Variants in HERC1 observed in about 807,000 individuals in gnomAD.
HERC1 encodes the protein probable E3 ubiquitin-protein ligase HERC1.
In HERC1, 160 loss-of-function variants were observed where a neutral mutation model predicts 554.3. That is an observed-to-expected ratio of 0.29 (90% CI 0.25 to 0.33). The LOEUF is 0.33. Among genes scored for constraint, HERC1 ranks in the 10% least tolerant of loss-of-function variants. HERC1 has a pLI of 1.00. For missense variants in HERC1, 4,919 were observed against 5,918.5 expected, an observed-to-expected ratio of 0.83 and a Z score of 5.54; for synonymous variants, 2,175 against 2,131.7, an observed-to-expected ratio of 1.02 and a Z score of -0.56.
rs764466651 is a variant in HERC1, at chr15:63,749,585, A to T, written c.2048-47T>A. ...TTATATAAAAGAAAAGCCAAATTCA[A>T]ATGTAATATATTTACACAAGACAAC... On this transcript the variant is annotated intron_variant, in intron 9 of 77. Coordinates refer to ENST00000443617, the MANE Select transcript of HERC1 (RefSeq NM_003922.4). This position sits in a 1 kb window ranked among gnomAD's most constrained non-coding sequence, Gnocchi z 4.1. 6.4e-7 allele frequency: 1 copy of T among 1,572,828 alleles called. No homozygotes were observed. The highest frequency in any genetic ancestry group is 8.6e-7 in the Non-Finnish European group (1 of 1,160,872).
chr15:63,678,885 T>C (rs1440637282), intron 36 of HERC1, among the ~76,000 whole-genome samples: 1 of 152,248 alleles, frequency 6.6e-6, no homozygotes, highest in Non-Finnish European at 1.5e-5. Flanking sequence ...TTAATCATTC[T>C]AAGTCTTAGC....
intron 12 of HERC1, among the ~76,000 whole-genome samples, chr15:63,740,234 C>T (rs1030512455): frequency 1.3e-5 from 2 of 152,084 alleles, no homozygotes; most frequent in African/African-American, 4.8e-5. Flanking sequence ...TTAGAAGGTT[C>T]GGTTAGGTTG....
intron 1 of HERC1, among the ~76,000 whole-genome samples, chr15:63,829,499 T>TATATATATATACACAC (rs1336272062): frequency 5.6e-5 from 3 of 53,368 alleles, no homozygotes; most frequent in African/African-American, 1.8e-4. Context: ...TATATATATA[T>TATATATATATACACAC]ACACACACAC....
Position 63,775,691 on chromosome 15 carries a change from A to T in HERC1, c.-26-42T>A, listed in dbSNP as rs2076091454. On this transcript the variant is annotated intron_variant, in intron 1 of 77. Coordinates refer to ENST00000443617, the MANE Select transcript of HERC1 (RefSeq NM_003922.4). This position sits in a 1 kb window ranked among gnomAD's most constrained non-coding sequence, Gnocchi z 4.0. ...GAAAACAGTCAAAAACATACAGAGG[A>T]CTCATAAAATGTTTCCAAAATTTCA... 2.1e-5 allele frequency: 27 copies of T among 1,272,670 alleles called. 1 individual carries two copies. The South Asian group carries it at 3.7e-4, about 18-fold the overall frequency. The allele number at this position is 1,272,670 out of a possible 1,614,324, so 78.8% of individuals were successfully genotyped here.
intron 70 of HERC1, 70 bp downstream of exon 70, chr15:63,628,607 C>T (rs2068410476): frequency 6.8e-7 from 1 of 1,465,624 alleles, no homozygotes; most frequent in South Asian, 1.4e-5. Flanking sequence ...TGGGAACTGG[C>T]AAGCAGACAG....
At chr15:63,820,608 C>G (rs1596324447) in intron 1 of HERC1, among the ~76,000 whole-genome samples, 1 of 152,132 alleles carries the variant, frequency 6.6e-6, no homozygotes, top group South Asian at 2.1e-4. Context: ...CTTTAAAAAG[C>G]CTTCCATAAA....
At chr15:63,750,409 T>A (rs1390767056) in intron 8 of HERC1, among the ~76,000 whole-genome samples, 1 of 151,916 alleles carries the variant, frequency 6.6e-6, no homozygotes, top group Non-Finnish European at 1.5e-5. Context: ...GAAAAAAAAA[T>A]TTTGTCTTTG....
intron 1 of HERC1, among the ~76,000 whole-genome samples, chr15:63,822,821 A>G (rs755748752): frequency 2.0e-5 from 3 of 152,160 alleles, no homozygotes; most frequent in Non-Finnish European, 2.9e-5. Flanking sequence ...ATCAGATTAG[A>G]AATGTATTCA....
At chr15:63,784,774 A>AT (rs1036525825) in intron 1 of HERC1, among the ~76,000 whole-genome samples, 7 of 151,896 alleles carry the variant, frequency 4.6e-5, no homozygotes, top group African/African-American at 1.7e-4. Flanking sequence ...CATCCAGCTA[A>AT]TTTTTTTTGT....
chr15:63,665,170 G>A (rs575671896), intron 42 of HERC1, among the ~76,000 whole-genome samples: 1 of 152,214 alleles, frequency 6.6e-6, no homozygotes, highest in Admixed American at 6.5e-5. Flanking sequence ...ACTTAAAGGG[G>A]CATCTTCTAC....
intron 1 of HERC1, among the ~76,000 whole-genome samples, chr15:63,828,579 TCCGCCCTCC>T (rs2078020735): frequency 6.6e-6 from 1 of 152,144 alleles, no homozygotes; most frequent in Admixed American, 6.5e-5. Flanking sequence ...CCTCAGGTGA[TCCGCCCTCC>T]TCGGCCTCCC....
At chr15:63,785,427 T>A (rs945976328) in intron 1 of HERC1, among the ~76,000 whole-genome samples, 9 of 151,978 alleles carry the variant, frequency 5.9e-5, no homozygotes, top group Non-Finnish European at 1.3e-4. Context: ...CTTAAAAAAA[T>A]TAAATATATT....
chr15:63,795,065 C>CAAAAAAAAAAA (rs1177647525), intron 1 of HERC1, among the ~76,000 whole-genome samples: 3 of 68,970 alleles, frequency 4.3e-5, no homozygotes, highest in Non-Finnish European at 7.7e-5. Context: ...GACTCTGTCT[C>CAAAAAAAAAAA]AAAAAAAAAA....
intron 40 of HERC1, among the ~76,000 whole-genome samples, chr15:63,667,156 A>G (rs1033113736): frequency 1.3e-5 from 2 of 152,248 alleles, no homozygotes; most frequent in Admixed American, 1.3e-4. Context: ...GTATGTATTA[A>G]ATGTGGTATC....
rs1219182865 is a variant in HERC1, at chr15:63,775,345, T to C, written c.279A>G (p.Val93=). ...CCCCGGCAAATGGGGAATCTGAACA[T>C]ACCATCTTTGCCAATGCTAGCTGGC... is the stretch of plus-strand genomic sequence containing the variant. The part of the protein sequence containing the change: ...LSSQLALAKM[V]CSDSPFAGAL... The change falls in exon 2 of 78, where the codon GTA becomes GTG. Residue 93 remains valine, a synonymous_variant. Transcript: ENST00000443617. This position sits in a 1 kb window ranked among gnomAD's most constrained non-coding sequence, Gnocchi z 4.0. The C allele has an allele frequency of 1.9e-6, 3 of 1,613,990 alleles. No homozygotes were observed. Among genetic ancestry groups the C allele is most frequent in the South Asian group, 1.1e-5 (1 of 91,082 alleles).
intron 39 of HERC1, among the ~76,000 whole-genome samples, chr15:63,670,699 C>T (rs1167117394): frequency 6.6e-6 from 1 of 152,130 alleles, no homozygotes; most frequent in Non-Finnish European, 1.5e-5. Flanking sequence ...AGTCACAGTG[C>T]TACTGATCTT....
rs188453018 is a variant in HERC1 at position 63,649,885 on chromosome 15, A to G, written c.10587T>C (p.Ser3529=). 1 of 1,612,048 alleles carries G rather than the reference A, an allele frequency of 6.2e-7. No homozygotes were observed. Among genetic ancestry groups the G allele is most frequent in the Admixed American group, 1.7e-5 (1 of 59,718 alleles). Residue 3529 remains serine (S), a synonymous_variant, in exon 54 of 78, where the codon TCT becomes TCC. Transcript: ENST00000443617. ...GLVDIQPHWV[S]ALAWPEEGPA... Reference sequence around the variant, plus strand: ...GACCCTCTTCTGGCCAAGCCAGGGCAGATACCCAATGAGGCTGAATATCTA... The same window carrying G: ...GACCCTCTTCTGGCCAAGCCAGGGCGGATACCCAATGAGGCTGAATATCTA...
intron 2 of HERC1, among the ~76,000 whole-genome samples, chr15:63,768,767 T>C (rs1196613645): frequency 6.6e-6 from 1 of 152,220 alleles, no homozygotes; most frequent in African/African-American, 2.4e-5. Context: ...CATCCCTTAC[T>C]GGCTCTTACT....
chr15:63,796,661 A>T (rs1427215919), intron 1 of HERC1, among the ~76,000 whole-genome samples: 1 of 152,228 alleles, frequency 6.6e-6, no homozygotes, highest in Non-Finnish European at 1.5e-5. Flanking sequence ...GAGACATGGG[A>T]TATCAATCAA....
Sources: allele counts gnomAD v4.1 joint callset (sites outside exome capture counted in the v4.1 genomes callset), GRCh38; gene constraint gnomAD v4.1.1; non-coding constraint Gnocchi (gnomAD v3.1); transcripts MANE v1.5; gene names NCBI Gene and HGNC (gene_info 2026-07-23, HGNC 2026-07-21).